Variants in SESN2 observed in about 807,000 individuals in gnomAD.
The protein encoded by SESN2 is sestrin-2.
A neutral mutation model predicts 56.0 loss-of-function variants in SESN2; 42 were observed. The observed-to-expected ratio is 0.75, with a 90% confidence interval of 0.59 to 0.97. The LOEUF (loss-of-function observed/expected upper bound fraction) is 0.97. Among genes scored for constraint, SESN2 ranks in the 50% least tolerant of loss-of-function variants. The probability of loss-of-function intolerance (pLI) is 0.00; values close to 1 mark genes in which losing one functional copy is unlikely to be tolerated. For synonymous variants in SESN2, 264 were observed against 267.1 expected, an observed-to-expected ratio of 0.99 and a Z score of 0.11; for missense variants, 507 against 649.4, an observed-to-expected ratio of 0.78 and a Z score of 2.38.
At chr1:28,264,177 G>C (rs185123731) in intron 1 of SESN2, among the ~76,000 whole-genome samples, 6 of 152,008 alleles carry the variant, frequency 3.9e-5, no homozygotes, top group African/African-American at 1.4e-4. Flanking sequence ...AAATTAGCCG[G>C]GCTTGGTGGC....
intron 7 of SESN2, 143 bp downstream of exon 7, chr1:28,274,301 G>A (rs1647942192): frequency 4.6e-6 from 3 of 652,974 alleles, no homozygotes; most frequent in African/African-American, 1.8e-5. Context: ...GGAAGCCAAG[G>A]TGGGAGGATT....
chr1:28,260,948 G>C (rs942746432), intron 1 of SESN2, among the ~76,000 whole-genome samples: 2 of 152,038 alleles, frequency 1.3e-5, no homozygotes, highest in African/African-American at 4.8e-5. Flanking sequence ...CCATTTTACA[G>C]GAAGAACATT....
chr1:28,278,577 C>T (rs1648128278), intron 8 of SESN2, among the ~76,000 whole-genome samples: 1 of 152,138 alleles, frequency 6.6e-6, no homozygotes, highest in Non-Finnish European at 1.5e-5. Context: ...AAAAGAAAAA[C>T]AAAAACATAC....
At chr1:28,276,533 A>G (rs906755184) in intron 8 of SESN2, among the ~76,000 whole-genome samples, 19 of 123,524 alleles carry the variant, frequency 1.5e-4, no homozygotes, top group African/African-American at 1.3e-4. Context: ...ATCTGCTGTT[A>G]TTATTATCAG....
At chr1:28,268,463 C>T (rs1647633709) in intron 1 of SESN2, among the ~76,000 whole-genome samples, 1 of 151,858 alleles carries the variant, frequency 6.6e-6, no homozygotes, top group African/African-American at 2.4e-5. Context: ...GTTGGGGATT[C>T]GAGACCAGCC....
intron 8 of SESN2, 106 bp from the exon 9 acceptor site, chr1:28,278,990 TG>T: frequency 9.0e-7 from 1 of 1,115,184 alleles, no homozygotes; most frequent in Non-Finnish European, 1.3e-6. Context: ...TTCTACCTTC[TG>T]ATTTTTCTCA....
intron 8 of SESN2, among the ~76,000 whole-genome samples, chr1:28,276,929 C>A (rs1438915937): frequency 7.5e-6 from 1 of 133,866 alleles, no homozygotes; most frequent in Admixed American, 8.0e-5. Flanking sequence ...ATTTTTGAGA[C>A]GGAGTCTCGC....
intron 1 of SESN2, among the ~76,000 whole-genome samples, chr1:28,265,934 C>T (rs1557730681): frequency 6.6e-6 from 1 of 152,208 alleles, no homozygotes; most frequent in South Asian, 2.1e-4. Context: ...ATTGCACACT[C>T]TCCCTCCCCA....
intron 1 of SESN2, among the ~76,000 whole-genome samples, chr1:28,265,554 T>TA (rs1647527651): frequency 6.6e-6 from 1 of 152,054 alleles, no homozygotes; most frequent in African/African-American, 2.4e-5. Context: ...CCACCATGCC[T>TA]GGCTAATTTT....
At chr1:28,274,577 G>A (rs917272161) in intron 7 of SESN2, among the ~76,000 whole-genome samples, 2 of 151,630 alleles carry the variant, frequency 1.3e-5, no homozygotes, top group Non-Finnish European at 2.9e-5. Flanking sequence ...AAGATTCCAC[G>A]AGGGCAGTGG....
intron 6 of SESN2, 106 bp downstream of exon 6, chr1:28,273,614 C>CTTGGA: frequency 1.8e-6 from 2 of 1,138,696 alleles, no homozygotes; most frequent in Non-Finnish European, 1.2e-6. Context: ...TTCTCAACCT[C>CTTGGA]CCGTCCAAGA....
intron 2 of SESN2, among the ~76,000 whole-genome samples, chr1:28,270,635 G>A (rs1390619718): frequency 2.0e-5 from 3 of 151,530 alleles, no homozygotes; most frequent in East Asian, 2.0e-4. Flanking sequence ...GCAATGGCAC[G>A]ATCTTGGCTC....
intron 6 of SESN2, 149 bp downstream of exon 6, chr1:28,273,657 G>C: frequency 1.3e-6 from 1 of 762,436 alleles, no homozygotes; most frequent in Non-Finnish European, 2.0e-6. Flanking sequence ...CTCAGACCTG[G>C]CTTTGAATCC....
intron 2 of SESN2, among the ~76,000 whole-genome samples, chr1:28,270,371 G>T (rs1189794637): frequency 6.6e-6 from 1 of 151,450 alleles, no homozygotes; most frequent in Non-Finnish European, 1.5e-5. Context: ...AAAAAAATTT[G>T]TTTCCTCTCT....
In SESN2 at chr1:28,272,298, T is replaced by G; in HGVS notation, c.369T>G (p.His123Gln). The G allele has an allele frequency of 6.2e-7, 1 of 1,613,932 alleles. No homozygotes were observed. The highest frequency in any genetic ancestry group is 8.5e-7 in the Non-Finnish European group (1 of 1,179,960). ...HYIAIMAAAR[H>Q]QCSYLVGSHM... ...TACCTCCGCAGGCTGCCGCCCGCCA[T>G]CAGTGTTCTTACCTGGTAGGCTCCC... Residue 123 changes from histidine (H) to glutamine (Q), a missense_variant, in exon 4 of 10, where the codon CAT (histidine) becomes CAG (glutamine). Transcript: ENST00000253063.
At chr1:28,273,541 C>G (rs751431912) in intron 6 of SESN2, 33 bp downstream of exon 6, 6 of 1,525,502 alleles carry the variant, frequency 3.9e-6, no homozygotes, top group Non-Finnish European at 8.8e-7. Flanking sequence ...GCTCCCGTGG[C>G]TGCTCCTTCT....
At chr1:28,265,229 G>A (rs989879013) in intron 1 of SESN2, among the ~76,000 whole-genome samples, 1 of 152,220 alleles carries the variant, frequency 6.6e-6, no homozygotes, top group Non-Finnish European at 1.5e-5. Flanking sequence ...ACTTGGAGGG[G>A]TCATTTCTTG....
chr1:28,273,540 G>A, intron 6 of SESN2, 32 bp downstream of exon 6: 1 of 1,529,876 alleles, frequency 6.5e-7, no homozygotes, highest in Non-Finnish European at 8.8e-7. Context: ...GGCTCCCGTG[G>A]CTGCTCCTTC....
intron 1 of SESN2, among the ~76,000 whole-genome samples, chr1:28,263,346 T>A (rs530562238): frequency 6.6e-6 from 1 of 152,312 alleles, no homozygotes; most frequent in East Asian, 1.9e-4. Flanking sequence ...TCCCAGCTCA[T>A]GATGGGCAGA....
Sources: allele counts gnomAD v4.1 joint callset (sites outside exome capture counted in the v4.1 genomes callset), GRCh38; gene constraint gnomAD v4.1.1; transcripts MANE v1.5; gene names NCBI Gene and HGNC (gene_info 2026-07-23, HGNC 2026-07-21).